Variants in FAM53B observed in about 807,000 individuals in gnomAD.
The protein encoded by FAM53B is protein FAM53B.
In FAM53B, 12 loss-of-function variants were observed where a neutral mutation model predicts 32.7. That is an observed-to-expected ratio of 0.37 (90% CI 0.24 to 0.59). FAM53B has a LOEUF of 0.59. FAM53B is among the 20% of genes least tolerant of loss of function. The pLI is 0.72. For synonymous variants in FAM53B, 234 were observed against 228.7 expected, an observed-to-expected ratio of 1.02 and a Z score of -0.21; for missense variants, 477 against 577.7, an observed-to-expected ratio of 0.83 and a Z score of 1.79.
intron 4 of FAM53B, among the ~76,000 whole-genome samples, chr10:124,673,241 TC>T (rs1210611252): frequency 6.6e-6 from 1 of 152,104 alleles, no homozygotes; most frequent in East Asian, 1.9e-4. Context: ...CTCACTGTTG[TC>T]CCAAAGGAGC....
In FAM53B at chr10:124,623,415, G is replaced by C. The variant is rs201718461; in HGVS notation, c.1096C>G (p.His366Asp). 2.9e-5 allele frequency: 47 copies of C among 1,608,668 alleles called. No homozygotes were observed. The East Asian group carries it at 1.0e-3, about 34-fold the overall frequency. ...GACAGGTCCTCCTGGCAGGCGAGGT[G>C]GTCGTCGAAGGAAGGGGGAAGAGGC... ...PEPLPPSFDD[H>D]LACQEDLSCE... The change falls in exon 5 of 5, where the codon CAC becomes GAC. Residue 366 changes from histidine to aspartate, a missense_variant. Transcript: ENST00000337318.
At chr10:124,627,500 C>T (rs1949363083) in intron 4 of FAM53B, among the ~76,000 whole-genome samples, 2 of 152,234 alleles carry the variant, frequency 1.3e-5, no homozygotes, top group African/African-American at 4.8e-5. Context: ...TCCCCCAGCC[C>T]GTCGACTTCT....
intron 4 of FAM53B, among the ~76,000 whole-genome samples, chr10:124,653,810 G>GGA (rs1949570202): frequency 6.6e-6 from 1 of 152,218 alleles, no homozygotes. Context: ...GACAGATGGG[G>GGA]GAGTCCATGT....
intron 4 of FAM53B, among the ~76,000 whole-genome samples, chr10:124,657,779 C>A (rs1949603059): frequency 6.6e-6 from 1 of 152,192 alleles, no homozygotes; most frequent in South Asian, 2.1e-4. Context: ...AGACATTTCA[C>A]CTAACTCCCT....
At chr10:124,626,391 C>T (rs1016681485) in intron 4 of FAM53B, among the ~76,000 whole-genome samples, 1 of 117,240 alleles carries the variant, frequency 8.5e-6, no homozygotes, top group East Asian at 2.1e-4. Flanking sequence ...AATTTGTGCC[C>T]CCCCCCCCCC....
intron 1 of FAM53B, among the ~76,000 whole-genome samples, chr10:124,731,913 C>T (rs1211530581): frequency 1.3e-5 from 2 of 152,184 alleles, no homozygotes; most frequent in African/African-American, 4.8e-5. Flanking sequence ...ATGAACTGAA[C>T]GATGGCTTGT....
intron 4 of FAM53B, among the ~76,000 whole-genome samples, chr10:124,670,373 C>T (rs1949700806): frequency 6.6e-6 from 1 of 152,172 alleles, no homozygotes; most frequent in South Asian, 2.1e-4. Flanking sequence ...AGGCAGGTGA[C>T]TGAGTATCCC....
At chr10:124,734,267 T>C (rs1426747863) in intron 1 of FAM53B, among the ~76,000 whole-genome samples, 2 of 152,236 alleles carry the variant, frequency 1.3e-5, no homozygotes, top group African/African-American at 4.8e-5. Flanking sequence ...AGACATTCGG[T>C]AGATCCATCT....
intron 4 of FAM53B, among the ~76,000 whole-genome samples, chr10:124,629,938 C>A (rs1412972512): frequency 6.6e-6 from 1 of 152,222 alleles, no homozygotes; most frequent in Non-Finnish European, 1.5e-5. Flanking sequence ...TCCTCTGAGG[C>A]TGCAGGTGCT....
chr10:124,738,628 C>T (rs1950184489), intron 1 of FAM53B, among the ~76,000 whole-genome samples: 1 of 151,682 alleles, frequency 6.6e-6, no homozygotes, highest in African/African-American at 2.4e-5. Context: ...AATGCAGGGC[C>T]GCTGCCCAGC....
At chr10:124,693,246 C>A (rs546563122) in intron 3 of FAM53B, among the ~76,000 whole-genome samples, 1 of 151,894 alleles carries the variant, frequency 6.6e-6, no homozygotes, top group African/African-American at 2.4e-5. Flanking sequence ...CTGAGGCAGG[C>A]GGATCACGAG....
intron 4 of FAM53B, among the ~76,000 whole-genome samples, chr10:124,627,982 A>G (rs900766685): frequency 1.3e-5 from 2 of 152,204 alleles, no homozygotes; most frequent in Non-Finnish European, 2.9e-5. Context: ...CAGGAAACTC[A>G]TCAACTCAAC....
rs1011436712 is a variant in FAM53B, at chr10:124,667,478, G to A, written c.906+14129C>T. The A allele has an allele frequency of 7.9e-5, 58 of 737,876 alleles. No homozygotes were observed. The East Asian group carries it at 1.4e-3, about 17-fold the overall frequency. The allele number at this position is 737,876 out of a possible 1,614,324, so 45.7% of individuals were successfully genotyped here. On this transcript the variant is annotated intron_variant, in intron 4 of 4. Coordinates refer to ENST00000337318, the MANE Select transcript of FAM53B (RefSeq NM_014661.4). ...CTGCAAATCATCCCCCACCTCACCT[G>A]CCAACAGTCAGCAGCCCACAGCTGT...
intron 3 of FAM53B, among the ~76,000 whole-genome samples, chr10:124,686,339 C>A (rs1290640679): frequency 1.3e-5 from 2 of 152,152 alleles, no homozygotes; most frequent in Non-Finnish European, 2.9e-5. Flanking sequence ...ACAGAGTAAG[C>A]CTCTAAGGCC....
chr10:124,718,976 G>A (rs1950052426), intron 1 of FAM53B, among the ~76,000 whole-genome samples: 1 of 152,066 alleles, frequency 6.6e-6, no homozygotes, highest in African/African-American at 2.4e-5. Flanking sequence ...GGTCAAGGCT[G>A]CAGTGAGCTA....
intron 4 of FAM53B, among the ~76,000 whole-genome samples, chr10:124,673,478 T>G (rs1245243758): frequency 6.6e-6 from 1 of 152,316 alleles, no homozygotes; most frequent in South Asian, 2.1e-4. Context: ...CGCCTTGTAC[T>G]CGACTCAGCA....
chr10:124,659,961 C>T (rs367938341), intron 4 of FAM53B, among the ~76,000 whole-genome samples: 6 of 152,360 alleles, frequency 3.9e-5, no homozygotes, highest in Admixed American at 3.9e-4. Flanking sequence ...TGTGCACCAC[C>T]ATGCCCAGCT....
chr10:124,706,908 C>A, intron 1 of FAM53B, 21 bp from the exon 2 acceptor site: 1 of 1,429,566 alleles, frequency 7.0e-7, no homozygotes, highest in South Asian at 1.5e-5. Context: ...AAAAGAAAAG[C>A]AAAAAGATTC....
At chr10:124,737,229 G>A (rs780464039) in intron 1 of FAM53B, among the ~76,000 whole-genome samples, 2 of 152,122 alleles carry the variant, frequency 1.3e-5, no homozygotes, top group African/African-American at 4.8e-5. Flanking sequence ...CCCTTCACTC[G>A]GCCCAAACCC....
Sources: gnomAD v4.1 joint callset for allele counts (sites outside exome capture counted in the v4.1 genomes callset) on GRCh38, gnomAD v4.1.1 for gene constraint, MANE v1.5 for transcripts, NCBI Gene and HGNC (gene_info 2026-07-23, HGNC 2026-07-21) for gene names.